Variants in MTCL2 observed in about 807,000 individuals in gnomAD.
MTCL2 encodes microtubule crosslinking factor 2, also known as microtubule cross-linking factor 2.
the MTCL2 span, among the ~76,000 whole-genome samples, chr20:36,856,630 A>G: frequency 6.6e-6 from 1 of 150,814 alleles, no homozygotes; most frequent in Admixed American, 6.6e-5. Flanking sequence ...AAGACCTACC[A>G]CCCCCATCCA....
At chr20:36,851,205 T>A in the MTCL2 span, among the ~76,000 whole-genome samples, 1 of 152,178 alleles carries the variant, frequency 6.6e-6, no homozygotes, top group African/African-American at 2.4e-5. Flanking sequence ...GTATATTGTA[T>A]ATATTTGTAC....
chr20:36,842,327 A>G, the MTCL2 span, among the ~76,000 whole-genome samples: 9 of 152,252 alleles, frequency 5.9e-5, no homozygotes, highest in Non-Finnish European at 8.8e-5. Context: ...AACAATCATT[A>G]GATACTAAGT....
chr20:36,777,610 T>C, the MTCL2 span: 3 of 460,446 alleles, frequency 6.5e-6, no homozygotes, highest in African/African-American at 6.1e-5. Context: ...AAGGAGCCTT[T>C]TGAAGACAGA....
chr20:36,835,482 C>A, the MTCL2 span, among the ~76,000 whole-genome samples: 1 of 152,206 alleles, frequency 6.6e-6, no homozygotes, highest in Admixed American at 6.5e-5. Context: ...CAAGTCAGGG[C>A]ATGGACCACG....
chr20:36,855,772 A>T, the MTCL2 span, among the ~76,000 whole-genome samples: 4 of 152,172 alleles, frequency 2.6e-5, no homozygotes, highest in African/African-American at 9.7e-5. Context: ...AAAGGATCAC[A>T]TCCCCATTTT....
chr20:36,793,480 A>G, the MTCL2 span: 1 of 1,551,580 alleles, frequency 6.4e-7, no homozygotes. This position sits in a 1 kb window ranked among gnomAD's most constrained non-coding sequence, Gnocchi z 6.8. Flanking sequence ...GGCCACACAC[A>G]TTACGGAAGA....
At chr20:36,862,870 G>A in the MTCL2 span, 10 of 1,228,590 alleles carry the variant, frequency 8.1e-6, no homozygotes, top group Non-Finnish European at 1.0e-5. Flanking sequence ...GGCTGGGCCG[G>A]CTGCCCCGTA....
At chr20:36,859,372 T>C in the MTCL2 span, among the ~76,000 whole-genome samples, 6 of 152,182 alleles carry the variant, frequency 3.9e-5, no homozygotes, top group African/African-American at 1.4e-4. Context: ...CATCTTAGAA[T>C]CCTGGCACCT....
At chr20:36,798,377 G>T in the MTCL2 span, among the ~76,000 whole-genome samples, 2 of 152,172 alleles carry the variant, frequency 1.3e-5, no homozygotes, top group Non-Finnish European at 2.9e-5. Flanking sequence ...CGCATTAGTT[G>T]ATTTAATCCT....
chr20:36,842,733 C>T, the MTCL2 span, among the ~76,000 whole-genome samples: 1 of 152,170 alleles, frequency 6.6e-6, no homozygotes, highest in South Asian at 2.1e-4. Context: ...GATCATACCA[C>T]TGCACTCCAG....
At chr20:36,808,578 T>C in the MTCL2 span, 1 of 1,611,218 alleles carries the variant, frequency 6.2e-7, no homozygotes, top group African/African-American at 1.3e-5. Context: ...AGGAACCACC[T>C]GAGCTTCATG....
chr20:36,826,357 TC>T, the MTCL2 span, among the ~76,000 whole-genome samples: 2 of 9,994 alleles, frequency 2.0e-4, no homozygotes, highest in African/African-American at 9.8e-4. Flanking sequence ...CCCTCCCCCC[TC>T]CCCCTCCCCC....
chr20:36,810,350 T>G, the MTCL2 span, among the ~76,000 whole-genome samples: 1 of 152,210 alleles, frequency 6.6e-6, no homozygotes, highest in Admixed American at 6.5e-5. Flanking sequence ...TCTCTGAAAT[T>G]TATCTTAATA....
At chr20:36,841,874 G>GGTGT in the MTCL2 span, among the ~76,000 whole-genome samples, 3,313 of 110,732 alleles carry the variant, frequency 0.03, 91 homozygotes, top group African/African-American at 0.056. Context: ...TGGGGGGTGG[G>GGTGT]GTGTGTGTGT....
chr20:36,809,966 G>T, the MTCL2 span: 7 of 1,594,094 alleles, frequency 4.4e-6, no homozygotes, highest in Non-Finnish European at 6.0e-6. Flanking sequence ...CCTGGAAAGC[G>T]CTGGGCACCA....
the MTCL2 span, among the ~76,000 whole-genome samples, chr20:36,791,930 T>C: frequency 1.1e-4 from 17 of 150,012 alleles, no homozygotes; most frequent in Non-Finnish European, 1.9e-4. Context: ...AGTTAACTTA[T>C]GCACATTCTA....
chr20:36,810,822 C>T, the MTCL2 span, among the ~76,000 whole-genome samples: 2 of 151,324 alleles, frequency 1.3e-5, no homozygotes, highest in Non-Finnish European at 1.5e-5. Context: ...CAGGTTCAAG[C>T]GATTATCCTG....
chr20:36,862,766 G>C, the MTCL2 span: 1 of 1,448,068 alleles, frequency 6.9e-7, no homozygotes, highest in East Asian at 3.0e-5. Flanking sequence ...GCGAGGCGCT[G>C]AGCGGCAAGC....
chr20:36,838,760 G>C, the MTCL2 span, among the ~76,000 whole-genome samples: 1 of 152,112 alleles, frequency 6.6e-6, no homozygotes, highest in Non-Finnish European at 1.5e-5. Context: ...CTGAGGTCAG[G>C]AGTTCGAAAC....
Sources: gnomAD v4.1 joint callset for allele counts (sites outside exome capture counted in the v4.1 genomes callset) on GRCh38, gnomAD v4.1.1 for gene constraint, Gnocchi (gnomAD v3.1) non-coding constraint, MANE v1.5 for transcripts, NCBI Gene and HGNC (gene_info 2026-07-23, HGNC 2026-07-21) for gene names.